MDGA2: variants seen among roughly 807,000 people sequenced by gnomAD.
The protein encoded by MDGA2 is MAM domain containing glycosylphosphatidylinositol anchor 2.
A neutral mutation model predicts 117.8 loss-of-function variants in MDGA2; 40 were observed. The ratio of observed to expected loss-of-function variants is 0.34; its 90% CI spans 0.26 to 0.44. MDGA2 has a LOEUF of 0.44. Ranked by LOEUF, MDGA2 falls within the 20% of genes least tolerant of loss-of-function variation. The pLI is 1.00. For missense variants in MDGA2, 1,123 were observed against 1,250.6 expected (o/e 0.90, Z 1.54); for synonymous variants, 452 against 439.0 (o/e 1.03, Z -0.37).
chr14:47,253,550 G>A (rs891113878), intron 2 of MDGA2, among the ~76,000 whole-genome samples: 1 of 152,236 alleles, frequency 6.6e-6, no homozygotes, highest in Admixed American at 6.5e-5. Flanking sequence ...GATGCAAGAG[G>A]TGGGTTCCCA....
intron 6 of MDGA2, among the ~76,000 whole-genome samples, chr14:47,072,792 G>A (rs78830887): frequency 6.6e-6 from 1 of 152,084 alleles, no homozygotes; most frequent in East Asian, 1.9e-4. Context: ...TACAGGGCTC[G>A]AACAGAGAAG....
chr14:47,498,167 G>A (rs1394073003), intron 1 of MDGA2, among the ~76,000 whole-genome samples: 2 of 152,144 alleles, frequency 1.3e-5, no homozygotes, highest in Admixed American at 6.5e-5. Flanking sequence ...GATGAAACTA[G>A]GTCTACTGGA....
At chr14:47,282,418 G>C (rs533025000) in intron 2 of MDGA2, among the ~76,000 whole-genome samples, 4 of 152,104 alleles carry the variant, frequency 2.6e-5, no homozygotes, top group Non-Finnish European at 5.9e-5. Flanking sequence ...GGTGGCTCAC[G>C]CCTGTAATCC....
At chr14:47,096,768 A>C in intron 6 of MDGA2, 86 bp downstream of exon 6, 1 of 1,272,312 alleles carries the variant, frequency 7.9e-7, no homozygotes, top group Non-Finnish European at 1.1e-6. Flanking sequence ...GCAATATTTG[A>C]GGAGGTAATT....
At chr14:46,971,731 T>TA (rs1272222944) in intron 8 of MDGA2, among the ~76,000 whole-genome samples, 2 of 151,990 alleles carry the variant, frequency 1.3e-5, no homozygotes, top group African/African-American at 2.4e-5. Flanking sequence ...GGTAAACAGT[T>TA]AAAAAATAGC....
intron 4 of MDGA2, among the ~76,000 whole-genome samples, chr14:47,138,628 C>T (rs1235972030): frequency 6.6e-6 from 1 of 151,958 alleles, no homozygotes; most frequent in Non-Finnish European, 1.5e-5. Flanking sequence ...GCTGACATTG[C>T]TGTAATGAAG....
intron 9 of MDGA2, among the ~76,000 whole-genome samples, chr14:46,927,760 G>A (rs1284238943): frequency 1.3e-5 from 2 of 152,106 alleles, no homozygotes; most frequent in African/African-American, 4.8e-5. Flanking sequence ...ATTTTTCAAT[G>A]ACTAGTCATT....
chr14:46,845,699 A>T, intron 16 of MDGA2, 67 bp downstream of exon 16: 1 of 953,168 alleles, frequency 1.0e-6, no homozygotes, highest in Non-Finnish European at 1.6e-6. Context: ...TAATTAAATT[A>T]AATGTTAATT....
intron 2 of MDGA2, among the ~76,000 whole-genome samples, chr14:47,282,564 G>A (rs1249561509): frequency 1.3e-5 from 2 of 151,852 alleles, no homozygotes; most frequent in Admixed American, 6.6e-5. Context: ...CGGGTGTGGC[G>A]GCAGGCGCCG....
At chr14:46,954,183 T>G (rs749778228) in intron 9 of MDGA2, among the ~76,000 whole-genome samples, 8 of 151,996 alleles carry the variant, frequency 5.3e-5, no homozygotes, top group Non-Finnish European at 1.0e-4. Context: ...AGTTAGCCCT[T>G]TAGGTGGCAA....
At chr14:47,399,380 G>A (rs1594837352) in intron 1 of MDGA2, among the ~76,000 whole-genome samples, 1 of 152,278 alleles carries the variant, frequency 6.6e-6, no homozygotes, top group Admixed American at 6.5e-5. Context: ...ACAGAAACTG[G>A]AAATAGGAAA....
intron 9 of MDGA2, among the ~76,000 whole-genome samples, chr14:46,944,938 C>A (rs1487946286): frequency 2.6e-5 from 4 of 151,970 alleles, no homozygotes; most frequent in Admixed American, 6.6e-5. Context: ...CAACATCTGG[C>A]CTACCTTAAG....
intron 10 of MDGA2, 71 bp downstream of exon 10, chr14:46,919,941 T>C: frequency 7.2e-7 from 1 of 1,391,476 alleles, no homozygotes; most frequent in Non-Finnish European, 9.6e-7. Context: ...GCAAAACTCT[T>C]AGAAAAATGA....
intron 1 of MDGA2, among the ~76,000 whole-genome samples, chr14:47,427,097 T>C (rs986763120): frequency 1.3e-5 from 2 of 152,152 alleles, no homozygotes; most frequent in Non-Finnish European, 2.9e-5. Flanking sequence ...TAAATAAATC[T>C]CAGTCTAAAC....
At chr14:47,557,466 G>C (rs1895706102) in intron 1 of MDGA2, among the ~76,000 whole-genome samples, 1 of 152,106 alleles carries the variant, frequency 6.6e-6, no homozygotes. Context: ...CAGTAGTCTA[G>C]GCTGACAAAT....
chr14:47,220,862 A>G (rs1373318388), intron 2 of MDGA2, among the ~76,000 whole-genome samples: 1 of 152,188 alleles, frequency 6.6e-6, no homozygotes. Context: ...TCCCATATCC[A>G]TTCAAGAGCT....
intron 1 of MDGA2, among the ~76,000 whole-genome samples, chr14:47,315,214 C>A (rs891804504): frequency 6.6e-6 from 1 of 152,068 alleles, no homozygotes; most frequent in African/African-American, 2.4e-5. Flanking sequence ...TTCTCTTAAT[C>A]CAGATGGATA....
At chr14:47,517,954 T>C (rs937011189) in intron 1 of MDGA2, among the ~76,000 whole-genome samples, 4 of 152,070 alleles carry the variant, frequency 2.6e-5, no homozygotes, top group Non-Finnish European at 4.4e-5. Flanking sequence ...GTGTAAAAAA[T>C]TAAAGTGATG....
intron 1 of MDGA2, among the ~76,000 whole-genome samples, chr14:47,589,734 G>A (rs1233093880): frequency 6.6e-6 from 1 of 151,880 alleles, no homozygotes; most frequent in Non-Finnish European, 1.5e-5. Context: ...AGATTGTATG[G>A]AAGCTATAGA....
Sources: gnomAD v4.1 joint callset for allele counts (sites outside exome capture counted in the v4.1 genomes callset) on GRCh38, gnomAD v4.1.1 for gene constraint, MANE v1.5 for transcripts, NCBI Gene and HGNC (gene_info 2026-07-23, HGNC 2026-07-21) for gene names.